Variants in CNOT2 observed in about 807,000 individuals in gnomAD.
The protein encoded by CNOT2 is CC chemokine receptor 4-negative regulator of transcription 2.
A neutral mutation model predicts 72.1 loss-of-function variants in CNOT2; 7 were observed. The observed-to-expected ratio is 0.10, with a 90% CI of 0.06 to 0.18. The LOEUF (loss-of-function observed/expected upper bound fraction) is 0.18. Ranked by LOEUF, CNOT2 falls within the 10% of genes least tolerant of loss-of-function variation. The probability of loss-of-function intolerance (pLI) is 1.00; values close to 1 mark genes in which losing one functional copy is unlikely to be tolerated. For synonymous variants in CNOT2, 196 were observed against 225.6 expected, an observed-to-expected ratio of 0.87 and a Z score of 1.17; for missense variants, 345 against 660.3, an observed-to-expected ratio of 0.52 and a Z score of 5.23.
intron 1 of CNOT2, among the ~76,000 whole-genome samples, chr12:70,260,794 T>C (rs780037732): frequency 6.6e-6 from 1 of 152,056 alleles, no homozygotes; most frequent in East Asian, 1.9e-4. Flanking sequence ...ATCTATGATA[T>C]CATGTAATCT....
At chr12:70,306,315 C>G (rs1293341028) in intron 2 of CNOT2, among the ~76,000 whole-genome samples, 1 of 152,056 alleles carries the variant, frequency 6.6e-6, no homozygotes, top group Non-Finnish European at 1.5e-5. Context: ...GCCACCATGC[C>G]TGGCTAATTT....
At chr12:70,309,917 A>G (rs12317233) in intron 2 of CNOT2, among the ~76,000 whole-genome samples, 42,973 of 151,930 alleles carry the variant, frequency 0.28, 6,381 homozygotes, top group Admixed American at 0.44. Flanking sequence ...TGGGTTCTGC[A>G]TCTGTGGGTC....
chr12:70,344,924 C>T (rs1309084739), intron 14 of CNOT2: 2 of 152,118 alleles, frequency 1.3e-5, no homozygotes, highest in African/African-American at 4.8e-5. Context: ...ATAAGCAAGG[C>T]AGTGTGCATA....
At position 70,305,343 on chromosome 12, in the gene CNOT2, GA is replaced by G. The variant is rs1429964586; in HGVS notation, c.49-5550del. On this transcript the variant is annotated intron_variant, in intron 2 of 15. Coordinates refer to ENST00000229195, the MANE Select transcript of CNOT2 (RefSeq NM_014515.7). Reference sequence around the variant, plus strand: ...TCATGAGACTTATTCACAATCATGAGAACAGCACAGGAAATACCCGCCTTCA... The same window carrying G: ...TCATGAGACTTATTCACAATCATGAGACAGCACAGGAAATACCCGCCTTCA... Among the ~76,000 whole-genome samples, 4 of 152,198 alleles carry G rather than the reference GA, an allele frequency of 2.6e-5. No homozygotes were observed. In the East Asian group the frequency reaches 7.7e-4, roughly 29 times the overall value.
intron 1 of CNOT2, among the ~76,000 whole-genome samples, chr12:70,265,981 TG>T (rs1174124715): frequency 2.7e-5 from 4 of 150,140 alleles, no homozygotes; most frequent in African/African-American, 7.3e-5. Flanking sequence ...AGAAAATATT[TG>T]TATGAATTCA....
Position 70,329,972 on chromosome 12 carries a change from G to A in CNOT2, c.387-315G>A, listed in dbSNP as rs189854056. Among the ~76,000 whole-genome samples, 5 of 152,028 alleles carry A rather than the reference G, an allele frequency of 3.3e-5. No individual in the cohort carries two copies. The East Asian group carries it at 9.7e-4, about 30-fold the overall frequency. ...ATAGACTATACATTTAGTATGCAGA[G>A]GATAGAACGATATGCCATTGAAATG... On this transcript the variant is annotated intron_variant, in intron 5 of 15. Transcript: ENST00000229195.
At chr12:70,265,323 C>CTCTTCTCTT (rs762070879) in intron 1 of CNOT2, among the ~76,000 whole-genome samples, 6,831 of 144,354 alleles carry the variant, frequency 0.047, 229 homozygotes, top group Non-Finnish European at 0.07. Context: ...CTCTTCTCTT[C>CTCTTCTCTT]TCTTTCTTTC....
chr12:70,332,268 G>A (rs1003826055), intron 6 of CNOT2: 2 of 151,984 alleles, frequency 1.3e-5, no homozygotes, highest in Admixed American at 6.6e-5. Flanking sequence ...CATGGGAGGA[G>A]TATGACATAA....
intron 2 of CNOT2, among the ~76,000 whole-genome samples, chr12:70,291,524 C>T (rs1466972843): frequency 6.6e-6 from 1 of 152,172 alleles, no homozygotes; most frequent in Non-Finnish European, 1.5e-5. Context: ...CACTTGGGTC[C>T]ATTTATGTAA....
At chr12:70,294,087 C>G in intron 2 of CNOT2, 1 of 1,277,786 alleles carries the variant, frequency 7.8e-7, no homozygotes, top group Non-Finnish European at 1.0e-6. Flanking sequence ...AGAATCCCAT[C>G]GTTTATCATG....
intron 1 of CNOT2, among the ~76,000 whole-genome samples, chr12:70,255,880 C>A (rs1187310261): frequency 1.3e-5 from 2 of 152,042 alleles, no homozygotes; most frequent in South Asian, 2.1e-4. Context: ...AAAACATGAA[C>A]TTCTAGAAGA....
At chr12:70,327,613 T>C (rs1879289683) in intron 4 of CNOT2, 1 of 151,856 alleles carries the variant, frequency 6.6e-6, no homozygotes, top group Admixed American at 6.6e-5. Flanking sequence ...TGACATTATC[T>C]TGGTGGTCAG....
At chr12:70,290,692 A>G (rs11830308) in intron 2 of CNOT2, 89 of 152,046 alleles carry the variant, frequency 5.9e-4, no homozygotes, top group African/African-American at 2.1e-3. Context: ...TTCATTTTTT[A>G]AAATTATTTT....
chr12:70,255,567 T>C (rs1257603719), intron 1 of CNOT2, among the ~76,000 whole-genome samples: 1 of 152,012 alleles, frequency 6.6e-6, no homozygotes, highest in African/African-American at 2.4e-5. Flanking sequence ...ATTTGGAAAA[T>C]GACTGTCGTG....
chr12:70,344,266 T>G (rs768761673), intron 14 of CNOT2, 38 bp downstream of exon 14: 2 of 1,298,590 alleles, frequency 1.5e-6, no homozygotes, highest in South Asian at 1.2e-5. Context: ...TGTATTATAG[T>G]GGATCTTGAC....
chr12:70,279,484 C>G (rs1304504457), intron 2 of CNOT2, among the ~76,000 whole-genome samples: 2 of 152,128 alleles, frequency 1.3e-5, no homozygotes, highest in Non-Finnish European at 2.9e-5. Flanking sequence ...TCTCTGTAAC[C>G]TTTCTTCTGA....
rs148474909 is a variant in CNOT2, at chr12:70,292,896, C to A, written c.48+14622C>A. ...ATTTTAAAGATCATGTCTTCCCTTG[C>A]TAAAGGAATACTTTTCATTTTTAAT... On this transcript the variant is annotated intron_variant, in intron 2 of 15. Coordinates refer to ENST00000229195, the MANE Select transcript of CNOT2 (RefSeq NM_014515.7). Among the ~76,000 whole-genome samples the A allele has an allele frequency of 1.8e-3, 274 of 152,210 alleles. 2 individuals carry two copies. Among genetic ancestry groups the A allele is most frequent in the Non-Finnish European group, 2.0e-3 (133 of 68,010 alleles).
intron 1 of CNOT2, among the ~76,000 whole-genome samples, chr12:70,262,405 C>T (rs573820109): frequency 6.6e-6 from 1 of 151,904 alleles, no homozygotes; most frequent in African/African-American, 2.4e-5. Flanking sequence ...TCCGAAGTAG[C>T]TGGGACTACA....
intron 2 of CNOT2, among the ~76,000 whole-genome samples, chr12:70,296,587 A>G (rs911500847): frequency 6.6e-6 from 1 of 151,762 alleles, no homozygotes; most frequent in South Asian, 2.1e-4. Context: ...TACCTATATC[A>G]TATTAAAAAT....
Sources: gnomAD v4.1 joint callset for allele counts (sites outside exome capture counted in the v4.1 genomes callset) on GRCh38, gnomAD v4.1.1 for gene constraint, MANE v1.5 for transcripts, NCBI Gene and HGNC (gene_info 2026-07-23, HGNC 2026-07-21) for gene names.